NECAP2: variants seen among roughly 807,000 people sequenced by gnomAD.
NECAP2 encodes the protein NECAP endocytosis associated 2.
NECAP2 carries 38 observed loss-of-function variants against 37.8 expected under a neutral mutation model. The ratio of observed to expected loss-of-function variants is 1.01; its 90% CI spans 0.78 to 1.32. The LOEUF (loss-of-function observed/expected upper bound fraction) is 1.32. Ranked by LOEUF, NECAP2 falls within the 40% of genes most tolerant of loss-of-function variation. The pLI, the probability that NECAP2 is intolerant of heterozygous loss-of-function variation, is 0.00. For missense variants in NECAP2, 316 were observed against 334.5 expected (o/e 0.94, Z 0.43); for synonymous variants, 121 against 127.7 (o/e 0.95, Z 0.35).
chr1:16,444,292 T>C (rs969978714), intron 2 of NECAP2, among the ~76,000 whole-genome samples: 1 of 152,162 alleles, frequency 6.6e-6, no homozygotes, highest in Non-Finnish European at 1.5e-5. Context: ...CTGGGTGAGC[T>C]GTGGAGGGCA....
chr1:16,456,707 C>A (rs2086924955), intron 7 of NECAP2, among the ~76,000 whole-genome samples: 1 of 152,154 alleles, frequency 6.6e-6, no homozygotes, highest in South Asian at 2.1e-4. Context: ...TGGACAGATT[C>A]TAGGACAGGG....
intron 7 of NECAP2, among the ~76,000 whole-genome samples, chr1:16,456,838 T>A (rs545181425): frequency 6.6e-6 from 1 of 152,030 alleles, no homozygotes; most frequent in Non-Finnish European, 1.5e-5. Flanking sequence ...TGTTGCTGGC[T>A]CTACAGGTGC....
chr1:16,452,766 C>T (rs1188197299), intron 6 of NECAP2, among the ~76,000 whole-genome samples: 2 of 151,888 alleles, frequency 1.3e-5, no homozygotes, highest in East Asian at 1.9e-4. Context: ...CCTCCCCGCG[C>T]GCCCCCCCCG....
chr1:16,452,018 T>A lies in NECAP2; in HGVS notation c.667+3T>A, dbSNP rs1422422702. On this transcript the variant is annotated splice_donor_region_variant and intron_variant, in intron 6 of 7. Coordinates refer to ENST00000337132, the MANE Select transcript of NECAP2 (RefSeq NM_018090.5). ...GCCAGCAGTTGCTCCCAGTTCAGGT[T>A]AGTGCTCAGTGGGTGACTGCTGCAT... The A allele has an allele frequency of 1.9e-6, 3 of 1,569,796 alleles. No homozygotes were observed. The highest frequency in any genetic ancestry group is 2.7e-5 in the African/African-American group (2 of 73,628).
intron 2 of NECAP2, among the ~76,000 whole-genome samples, chr1:16,444,493 C>T (rs2086733184): frequency 1.3e-5 from 2 of 152,230 alleles, no homozygotes; most frequent in African/African-American, 4.8e-5. Context: ...TCTGCCTGAG[C>T]TGCTGGATGT....
At chr1:16,449,479 G>A (rs988669381) in intron 5 of NECAP2, 5 of 390,468 alleles carry the variant, frequency 1.3e-5, no homozygotes, top group African/African-American at 8.2e-5. Context: ...TAGAGGAAGG[G>A]TGTGCAGCCC....
chr1:16,452,537 A>G (rs1310015118), intron 6 of NECAP2, among the ~76,000 whole-genome samples: 1 of 152,062 alleles, frequency 6.6e-6, no homozygotes, highest in Non-Finnish European at 1.5e-5. Flanking sequence ...AGACTTTTAG[A>G]CACCTGGTGT....
intron 4 of NECAP2, among the ~76,000 whole-genome samples, chr1:16,448,564 C>T (rs2086796000): frequency 6.6e-6 from 1 of 152,228 alleles, no homozygotes; most frequent in Admixed American, 6.5e-5. Context: ...CGAACTCAGG[C>T]TGCCAGTGAG....
intron 2 of NECAP2, among the ~76,000 whole-genome samples, chr1:16,445,084 A>G (rs1478520549): frequency 1.3e-5 from 2 of 152,192 alleles, no homozygotes; most frequent in African/African-American, 2.4e-5. Context: ...TCGGCCTCCC[A>G]AAGTGTTGGG....
intron 7 of NECAP2, among the ~76,000 whole-genome samples, chr1:16,457,040 C>T (rs2086931359): frequency 6.6e-6 from 1 of 152,204 alleles, no homozygotes; most frequent in East Asian, 1.9e-4. Context: ...ATAGTTTAGA[C>T]TATTCAGGCC....
Position 16,440,839 on chromosome 1 carries a change from C to G in NECAP2, c.78C>G (p.Thr26=). The G allele has an allele frequency of 6.2e-7, 1 of 1,613,992 alleles. No individual in the cohort carries two copies. Among genetic ancestry groups the G allele is most frequent in the South Asian group, 1.1e-5 (1 of 91,090 alleles). The change falls in exon 1 of 8, where the codon ACC becomes ACG. Residue 26 remains threonine (T), a synonymous_variant. Coordinates refer to ENST00000337132, the MANE Select transcript of NECAP2 (RefSeq NM_018090.5). ...TCTACCGCATCCCTCCGCGGGCTAC[C>G]AACCGTGGCTACAGGTGACTACCCA... The part of the protein sequence containing the change: ...VHVYRIPPRA[T]NRGYRAAEWQ...
At chr1:16,453,043 T>G (rs1468681384) in intron 6 of NECAP2, among the ~76,000 whole-genome samples, 1 of 150,796 alleles carries the variant, frequency 6.6e-6, no homozygotes, top group Non-Finnish European at 1.5e-5. Flanking sequence ...TTTCTCAGAG[T>G]GGGGTCATAG....
At chr1:16,442,161 A>AGAGATGAGATTTCTCCG (rs61709212) in intron 1 of NECAP2, among the ~76,000 whole-genome samples, 6,145 of 152,044 alleles carry the variant, frequency 0.04, 410 homozygotes, top group African/African-American at 0.14. Context: ...TGTTTTTAGT[A>AGAGATGAGATTTCTCCG]GAGATGAGAT....
Position 16,447,887 on chromosome 1 carries a change from G to T in NECAP2, c.211G>T (p.Ala71Ser), listed in dbSNP as rs760091028. ...GCTTTCAGGGGAGCTCTTTGCTCAGGCCCCGGTGGATCAGTTTCCTGGCAC... is the reference window on the plus strand; with the variant it reads ...GCTTTCAGGGGAGCTCTTTGCTCAGTCCCCGGTGGATCAGTTTCCTGGCAC... ...DRTSGELFAQ[A>S]PVDQFPGTAV... Residue 71 changes from alanine (A) to serine (S), a missense_variant, in exon 3 of 8, where the codon GCC becomes TCC. This residue lies in a region of NECAP2 where 81 missense variants were observed against 124.2 expected (regional missense o/e 0.65). Transcript: ENST00000337132. 1 of 1,614,144 alleles carries T rather than the reference G, an allele frequency of 6.2e-7. No homozygotes were observed. Among genetic ancestry groups the T allele is most frequent in the African/African-American group, 1.3e-5 (1 of 75,050 alleles).
chr1:16,442,665 C>T lies in NECAP2; in HGVS notation c.93-967C>T, dbSNP rs547635484. Among the ~76,000 whole-genome samples the T allele has an allele frequency of 6.6e-5, 10 of 152,310 alleles. No individual in the cohort carries two copies. In the South Asian group the frequency reaches 1.7e-3, roughly 25 times the overall value. On this transcript the variant is annotated intron_variant, in intron 1 of 7. Coordinates refer to ENST00000337132, the MANE Select transcript of NECAP2 (RefSeq NM_018090.5). ...CAAAACAGCTGGCTGTGGTGGCTCA[C>T]GCCTGTAATCCCAACACTTTGGGAA...
At chr1:16,453,109 C>G (rs559389872) in intron 6 of NECAP2, among the ~76,000 whole-genome samples, 19 of 141,558 alleles carry the variant, frequency 1.3e-4, no homozygotes, top group African/African-American at 4.4e-4. Context: ...ATTCTTGTGT[C>G]TTTTTTTTTT....
intron 1 of NECAP2, among the ~76,000 whole-genome samples, chr1:16,443,181 A>G (rs2086713593): frequency 6.6e-6 from 1 of 152,242 alleles, no homozygotes; most frequent in Non-Finnish European, 1.5e-5. Flanking sequence ...AGGAAGTCCT[A>G]CGTGGAGGAG....
intron 1 of NECAP2, chr1:16,441,240 C>G (rs142674181): frequency 1.2e-3 from 236 of 192,864 alleles, no homozygotes; most frequent in African/African-American, 5.3e-3. Flanking sequence ...CGGAAATCCC[C>G]GAGAGGAGGG....
intron 1 of NECAP2, among the ~76,000 whole-genome samples, chr1:16,443,356 A>C (rs1246967355): frequency 2.0e-5 from 3 of 152,252 alleles, no homozygotes; most frequent in African/African-American, 7.2e-5. Context: ...CAGTGTCTAC[A>C]CTTTGATTGA....
Sources: gnomAD v4.1 joint callset for allele counts (sites outside exome capture counted in the v4.1 genomes callset) on GRCh38, gnomAD v4.1.1 for gene constraint, gnomAD v4.1.1 regional missense constraint, MANE v1.5 for transcripts, NCBI Gene and HGNC (gene_info 2026-07-23, HGNC 2026-07-21) for gene names.